DAB2IP: variants seen among roughly 807,000 people sequenced by gnomAD.
DAB2IP encodes the protein disabled homolog 2-interacting protein.
A neutral mutation model predicts 107.2 loss-of-function variants in DAB2IP; 28 were observed. The observed-to-expected ratio is 0.26, with a 90% CI of 0.19 to 0.36. The LOEUF (loss-of-function observed/expected upper bound fraction) is 0.36, where lower values mean the gene tolerates loss of function less well. DAB2IP is among the 10% of genes least tolerant of loss of function. The pLI is 1.00. For missense variants in DAB2IP, 1,400 were observed against 1,644.7 expected (o/e 0.85, Z 2.57); for synonymous variants, 755 against 706.4 (o/e 1.07, Z -1.09).
Position 121,688,856 on chromosome 9 carries a change from C to T in DAB2IP, c.228+10075C>T, listed in dbSNP as rs543326203. ...AGGGTGAGCAGGGAAGAGGGTGAGC[C>T]GTGACCTCTCCACTTCTGCCAGCCC... On this transcript the variant is annotated intron_variant, in intron 2 of 15. Coordinates refer to ENST00000408936, the Ensembl canonical transcript of DAB2IP. Among the ~76,000 whole-genome samples the T allele has an allele frequency of 2.3e-3, 356 of 152,272 alleles. 2 individuals are homozygous for T. The highest frequency in any genetic ancestry group is 7.1e-3 in the African/African-American group (293 of 41,544).
At chr9:121,644,205 A>AGAAGAG (rs141312941) in intron 1 of DAB2IP, among the ~76,000 whole-genome samples, 46,101 of 149,572 alleles carry the variant, frequency 0.31, 7,488 homozygotes, top group South Asian at 0.47. Context: ...AAGAAGAGGA[A>AGAAGAG]GAAGAGGAAG....
rs1460057566 is a variant in DAB2IP at position 121,662,945 on chromosome 9, G to GA, written c.124+11052dup. Reference sequence around the variant, plus strand: ...GAATCGTGGGAAGAAAACTCCAGAAGAAAAAATGGGGAAAGTGACACTGCC... The same window carrying GA: ...GAATCGTGGGAAGAAAACTCCAGAAGAAAAAAATGGGGAAAGTGACACTGCC... On this transcript the variant is annotated intron_variant, in intron 1 of 15. Coordinates refer to ENST00000408936, the Ensembl canonical transcript of DAB2IP. The surrounding 1 kb of genome is among the most constrained non-coding windows in gnomAD (Gnocchi z 4.6). Among the ~76,000 whole-genome samples, 2 of 152,052 alleles carry GA rather than the reference G, an allele frequency of 1.3e-5. No homozygotes were observed. Among genetic ancestry groups the GA allele is most frequent in the African/African-American group, 2.4e-5 (1 of 41,416 alleles).
chr9:121,570,164 T>G (rs1422290095), intron 1 of DAB2IP, among the ~76,000 whole-genome samples: 2 of 143,906 alleles, frequency 1.4e-5, no homozygotes, highest in African/African-American at 2.6e-5. Context: ...CAGGCTGGAG[T>G]GCAGTGGTGC....
rs764012902 is a variant in DAB2IP, at chr9:121,772,718, G to A, written c.2190G>A (p.Ser730=). ...CACCTGCCCGCAGCTCGAGTTACTC[G>A]GAAGCCAACGAGCCTGATCTTCAGA... The change falls in exon 12 of 16, where the codon TCG becomes TCA. Residue 730 remains serine (S), a synonymous_variant. Transcript: ENST00000408936. The surrounding 1 kb of genome is among the most constrained non-coding windows in gnomAD (Gnocchi z 4.7). 19 of 1,613,856 alleles carry A rather than the reference G, an allele frequency of 1.2e-5. No individual in the cohort carries two copies. Among genetic ancestry groups the A allele is most frequent in the Middle Eastern group, 1.6e-4 (1 of 6,084 alleles).
exon 10 of DAB2IP, chr9:121,768,555 C>T (rs1040807404): frequency 5.6e-6 from 9 of 1,614,200 alleles, no homozygotes; most frequent in East Asian, 4.5e-5. Context: ...CAGCCGGCTT[C>T]GAGGGCTACA....
intron 14 of DAB2IP, among the ~76,000 whole-genome samples, chr9:121,780,355 C>T (rs970277131): frequency 2.0e-5 from 3 of 152,210 alleles, no homozygotes; most frequent in East Asian, 1.9e-4. Context: ...ACCACCGCTC[C>T]TCCCAGTTAG....
At position 121,661,275 on chromosome 9, in the gene DAB2IP, A is replaced by G. The variant is rs190683098; in HGVS notation, c.124+9376A>G. ...GGGGGAGAGGAGGTGTGGGGTGCAG[A>G]ATAGGACAGGATTGGAGAAGTTTGG... On this transcript the variant is annotated intron_variant, in intron 1 of 15. Coordinates refer to ENST00000408936, the Ensembl canonical transcript of DAB2IP. Among the ~76,000 whole-genome samples, 6 of 152,234 alleles carry G rather than the reference A, an allele frequency of 3.9e-5. No homozygotes were observed. In the East Asian group the frequency reaches 1.2e-3, roughly 29 times the overall value.
At position 121,772,813 on chromosome 9, in the gene DAB2IP, G is replaced by C; in HGVS notation, c.2285G>C (p.Gly762Ala). 1 of 1,609,092 alleles carries C rather than the reference G, an allele frequency of 6.2e-7. No homozygotes were observed. The highest frequency in any genetic ancestry group is 8.5e-7 in the Non-Finnish European group (1 of 1,178,650). The stretch of plus-strand genomic sequence containing the variant: ...GCCCGCACGCTGGATGGGGAGGCAG[G>C]CTCCCCGGCGGGCCCCGACGTCCTC... Residue 762 changes from glycine (G) to alanine (A), a missense_variant, in exon 12 of 16, where the codon GGC becomes GCC. Transcript: ENST00000408936. The surrounding 1 kb of genome is among the most constrained non-coding windows in gnomAD (Gnocchi z 4.7).
intron 1 of DAB2IP, among the ~76,000 whole-genome samples, chr9:121,626,417 G>C (rs914060514): frequency 7.6e-6 from 1 of 132,250 alleles, no homozygotes; most frequent in Non-Finnish European, 1.6e-5. Context: ...AACTTCAGAC[G>C]AGAAACCTTT....
rs186192952 is a variant in DAB2IP, at chr9:121,701,553, G to A, written c.362+2095G>A. 2.6e-5 allele frequency among the ~76,000 whole-genome samples: 4 copies of A among 152,314 alleles called. No homozygotes were observed. Among genetic ancestry groups the A allele is most frequent in the Non-Finnish European group, 4.4e-5 (3 of 68,028 alleles). Reference sequence around the variant, plus strand: ...AGGAAGGGAGCCTAGATTTCCCATGGACAGGCAGAAAGACTGGGTTTGAAA... The same window carrying A: ...AGGAAGGGAGCCTAGATTTCCCATGAACAGGCAGAAAGACTGGGTTTGAAA... On this transcript the variant is annotated intron_variant, in intron 3 of 15. Transcript: ENST00000408936. The surrounding 1 kb of genome is among the most constrained non-coding windows in gnomAD (Gnocchi z 4.7).
intron 1 of DAB2IP, among the ~76,000 whole-genome samples, chr9:121,632,739 C>CT (rs1831941253): frequency 6.6e-6 from 1 of 152,220 alleles, no homozygotes; most frequent in African/African-American, 2.4e-5. Flanking sequence ...GAGAGTGACA[C>CT]TGGGAGCTCC....
At chr9:121,580,811 G>C (rs1176538049) in intron 1 of DAB2IP, among the ~76,000 whole-genome samples, 3 of 152,164 alleles carry the variant, frequency 2.0e-5, no homozygotes, top group African/African-American at 7.2e-5. Flanking sequence ...ATTTTTAGTA[G>C]AGACGGGGTT....
At chr9:121,691,414 T>TCTGGCTA (rs1428231287) in intron 2 of DAB2IP, among the ~76,000 whole-genome samples, 5 of 151,658 alleles carry the variant, frequency 3.3e-5, no homozygotes, top group Non-Finnish European at 1.5e-5. Flanking sequence ...CCCAGGCCCT[T>TCTGGCTA]CTGGCTAACG....
chr9:121,711,877 G>C (rs994766637), intron 3 of DAB2IP, among the ~76,000 whole-genome samples: 1 of 152,094 alleles, frequency 6.6e-6, no homozygotes, highest in Non-Finnish European at 1.5e-5. Flanking sequence ...TTGCAGGCTG[G>C]GTGGCGTCCA....
chr9:121,585,711 C>T (rs1830297904), intron 1 of DAB2IP, among the ~76,000 whole-genome samples: 1 of 152,030 alleles, frequency 6.6e-6, no homozygotes, highest in African/African-American at 2.4e-5. Flanking sequence ...AAAAATTAGC[C>T]AGACATGTGG....
intron 1 of DAB2IP, among the ~76,000 whole-genome samples, chr9:121,614,241 C>G (rs1831187934): frequency 6.6e-6 from 1 of 152,116 alleles, no homozygotes; most frequent in African/African-American, 2.4e-5. Context: ...AAAGACCCTT[C>G]CCATCCTACC....
intron 1 of DAB2IP, among the ~76,000 whole-genome samples, chr9:121,640,228 C>T (rs1832233153): frequency 6.6e-6 from 1 of 152,204 alleles, no homozygotes; most frequent in African/African-American, 2.4e-5. Context: ...AGATCAGCAC[C>T]TGCTGAGGGC....
chr9:121,781,581 A>G (rs766983512), intron 15 of DAB2IP, 30 bp downstream of exon 15: 1 of 1,606,220 alleles, frequency 6.2e-7, no homozygotes, highest in Non-Finnish European at 8.5e-7. Context: ...GGTCAGCCAC[A>G]AGAGTTAAAG....
intron 1 of DAB2IP, among the ~76,000 whole-genome samples, chr9:121,627,516 G>A (rs1267025058): frequency 6.6e-6 from 1 of 152,164 alleles, no homozygotes; most frequent in Admixed American, 6.5e-5. Flanking sequence ...GACGTTTATG[G>A]ATTTTTAACT....
Sources: allele counts gnomAD v4.1 joint callset (sites outside exome capture counted in the v4.1 genomes callset), GRCh38; gene constraint gnomAD v4.1.1; non-coding constraint Gnocchi (gnomAD v3.1); transcripts MANE v1.5; gene names NCBI Gene and HGNC (gene_info 2026-07-23, HGNC 2026-07-21).